Variants in BOD1L1 observed in about 807,000 individuals in gnomAD.
The protein encoded by BOD1L1 is biorientation of chromosomes in cell division 1 like 1, also known as biorientation of chromosomes in cell division protein 1-like 1.
In BOD1L1, 86 loss-of-function variants were observed where a neutral mutation model predicts 240.7. That is an observed-to-expected ratio of 0.36 (90% CI 0.30 to 0.43). BOD1L1 has a LOEUF of 0.43. BOD1L1 is among the 20% of genes least tolerant of loss of function. The pLI is 1.00. For missense variants in BOD1L1, 3,554 were observed against 3,643.5 expected (o/e 0.98, Z 0.63); for synonymous variants, 1,268 against 1,272.3 (o/e 1.00, Z 0.07).
At position 13,627,653 on chromosome 4, in the gene BOD1L1, C is replaced by T; in HGVS notation, c.-66G>A. 1 of 1,080,452 alleles carries T rather than the reference C, an allele frequency of 9.3e-7. No homozygotes were observed. Among genetic ancestry groups the T allele is most frequent in the Non-Finnish European group, 1.1e-6 (1 of 889,036 alleles). 66.9% of individuals were successfully genotyped at this position (1,080,452 alleles called of 1,614,324 possible). A position where few individuals can be genotyped will look rare whatever the true frequency, so the allele number is the denominator to read the frequency against. On this transcript the variant is annotated 5_prime_UTR_variant, in exon 1 of 26. In the 5' UTR this introduces an upstream ATG that the reference lacks. Transcript: ENST00000040738. ...ACGATCCTGGGAGGCGGCGGCTGCA[C>T]TGGTCCCGCCGCCTGAGGGAAGCCA...
rs1716458233 is a variant in BOD1L1, at chr4:13,614,810, C to A, written c.560G>T (p.Gly187Val). ...EKPDTSLITQ[G>V]VPTPGPSANV... ...AGCACTGGGCCCAGGAGTAGGAACACCTTAAAGAAAAACAGAAGTTTTAGA... is the reference window on the plus strand; with the variant it reads ...AGCACTGGGCCCAGGAGTAGGAACAACTTAAAGAAAAACAGAAGTTTTAGA... Residue 187 changes from glycine (G) to valine (V), a missense_variant and splice_region_variant, in exon 4 of 26, where the codon GGT becomes GTT. By Grantham distance (109) the Gly-to-Val change is moderately radical (BLOSUM62 -3). Around this residue, in one of 2 missense-constraint regions of BOD1L1, gnomAD observed 3,393 missense variants for 3,427.1 expected, o/e 0.99. Coordinates refer to ENST00000040738, the MANE Select transcript of BOD1L1 (RefSeq NM_148894.3). 1.9e-6 allele frequency: 3 copies of A among 1,593,404 alleles called. No homozygotes were observed. The highest frequency in any genetic ancestry group is 2.2e-5 in the East Asian group (1 of 44,726).
Position 13,600,703 on chromosome 4 carries a change from T to G in BOD1L1, c.6197A>C (p.Asn2066Thr), listed in dbSNP as rs1374240410. The change falls in exon 10 of 26, where the codon AAT (asparagine) becomes ACT (threonine). Residue 2066 changes from asparagine (N) to threonine (T), a missense_variant. Physicochemically the swap from Asn to Thr is moderately conservative, Grantham distance 65. Coordinates refer to ENST00000040738, the MANE Select transcript of BOD1L1 (RefSeq NM_148894.3). The part of the protein sequence containing the change: ...TNQNSLAGGK[N>T]QGKVLIISTS... Reference sequence around the variant, plus strand: ...GGAAATAATCAAAACTTTGCCTTGATTTTTACCCCCTGCTAAGCTATTCTG... The same window carrying G: ...GGAAATAATCAAAACTTTGCCTTGAGTTTTACCCCCTGCTAAGCTATTCTG... The G allele has an allele frequency of 4.3e-6, 7 of 1,613,858 alleles. No individual in the cohort carries two copies. Among genetic ancestry groups the G allele is most frequent in the Non-Finnish European group, 5.9e-6 (7 of 1,179,886 alleles).
intron 1 of BOD1L1, 142 bp from the exon 2 acceptor site, chr4:13,620,209 T>C: frequency 2.4e-6 from 2 of 819,212 alleles, no homozygotes; most frequent in Non-Finnish European, 1.8e-6. Flanking sequence ...CTCATTCAAA[T>C]ACTACTTATT....
Position 13,600,175 on chromosome 4 carries a change from C to T in BOD1L1, c.6725G>A (p.Arg2242Gln), listed in dbSNP as rs149610602. ...TTTTTCTTCCATGACTGTGCCAGCT[C>T]GCTCATTTTCACTTTCAACAACTAC... Reference protein sequence around the residue: ...SGVVVESENERAGTVMEEKDG... With the variant: ...SGVVVESENEQAGTVMEEKDG... Residue 2242 changes from arginine (R) to glutamine (Q), a missense_variant, in exon 10 of 26, where the codon CGA (arginine) becomes CAA (glutamine). Around this residue, in one of 2 missense-constraint regions of BOD1L1, gnomAD observed 3,393 missense variants for 3,427.1 expected, o/e 0.99. Coordinates refer to ENST00000040738, the MANE Select transcript of BOD1L1 (RefSeq NM_148894.3). 321 of 1,613,970 alleles carry T rather than the reference C, an allele frequency of 2.0e-4. No homozygotes were observed. The African/African-American group carries it at 3.9e-3, about 20-fold the overall frequency.
chr4:13,596,521 G>A (rs937640965), intron 11 of BOD1L1, among the ~76,000 whole-genome samples: 4 of 151,700 alleles, frequency 2.6e-5, no homozygotes, highest in African/African-American at 7.3e-5. Flanking sequence ...CTTGGATGGT[G>A]CCTTCAGATC....
At position 13,619,523 on chromosome 4, in the gene BOD1L1, C is replaced by T. The variant is rs546757382; in HGVS notation, c.368+420G>A. ...ACGGGGGCACTGTATTAAAAGAAGACGTGGCCTCAAATCAAGAGAGAATAT... is the reference window on the plus strand; with the variant it reads ...ACGGGGGCACTGTATTAAAAGAAGATGTGGCCTCAAATCAAGAGAGAATAT... On this transcript the variant is annotated intron_variant, in intron 2 of 25. Transcript: ENST00000040738. Among the ~76,000 whole-genome samples the T allele has an allele frequency of 1.9e-4, 29 of 152,080 alleles. No homozygotes were observed. The South Asian group carries it at 4.1e-3, about 22-fold the overall frequency.
intron 25 of BOD1L1, among the ~76,000 whole-genome samples, chr4:13,570,472 C>A (rs1712126133): frequency 6.6e-6 from 1 of 152,170 alleles, no homozygotes; most frequent in South Asian, 2.1e-4. Flanking sequence ...GCGGGTCCCA[C>A]CAATATACAG....
intron 22 of BOD1L1, among the ~76,000 whole-genome samples, chr4:13,579,067 G>A (rs10027264): frequency 4.6e-5 from 7 of 152,038 alleles, no homozygotes; most frequent in Non-Finnish European, 8.8e-5. Flanking sequence ...TTTTAGTGAC[G>A]GTAGTAGTTG....
intron 25 of BOD1L1, among the ~76,000 whole-genome samples, chr4:13,576,023 C>T (rs1712699462): frequency 2.6e-5 from 4 of 151,556 alleles, no homozygotes; most frequent in African/African-American, 9.7e-5. Context: ...CTGCCTCAGC[C>T]TCCCGAGTAG....
At chr4:13,572,899 G>A (rs889638714) in intron 25 of BOD1L1, 5 of 1,257,552 alleles carry the variant, frequency 4.0e-6, no homozygotes, top group Non-Finnish European at 5.2e-6. Context: ...CCAGTCCCTG[G>A]AACTCTGTAG....
In BOD1L1 at chr4:13,581,224, AAAC is replaced by A. The variant is rs1251864718; in HGVS notation, c.8593-20_8593-18del. On this transcript the variant is annotated intron_variant, in intron 19 of 25. Transcript: ENST00000040738. ...CTGATCTTCCTAAGGGGGAAATAAA[AAAC>A]AACAACAGCAATAAGAAAAAAAATT... 7 of 1,508,806 alleles carry A rather than the reference AAAC, an allele frequency of 4.6e-6. No homozygotes were observed. The Admixed American group carries it at 6.9e-5, about 15-fold the overall frequency. The allele number at this position is 1,508,806 out of a possible 1,614,324, so 93.5% of individuals were successfully genotyped here.
Position 13,597,121 on chromosome 4 carries a change from CTT to C in BOD1L1, c.8000_8001del (p.Lys2667SerfsTer18), listed in dbSNP as rs770010843. On this transcript the variant is annotated frameshift_variant, in exon 11 of 26. Coordinates refer to ENST00000040738, the MANE Select transcript of BOD1L1 (RefSeq NM_148894.3). LOFTEE classifies it high-confidence loss of function. The part of the protein sequence containing the change: ...PLNVLGGLKL[K>X]ANLKMEAYVP... ...AGCCATACCTCCATTTTCAAGTTGG[CTT>C]TCAGTTTCAATCCTCCCAAAACATT... 6.3e-7 allele frequency: 1 copy of C among 1,593,310 alleles called. No individual in the cohort carries two copies. The highest frequency in any genetic ancestry group is 8.6e-7 in the Non-Finnish European group (1 of 1,168,612).
chr4:13,622,792 A>C (rs182519264), intron 1 of BOD1L1, among the ~76,000 whole-genome samples: 3 of 152,366 alleles, frequency 2.0e-5, no homozygotes, highest in African/African-American at 7.2e-5. Context: ...AGAAAGGGGA[A>C]GCTATTACAC....
intron 2 of BOD1L1, among the ~76,000 whole-genome samples, chr4:13,616,996 C>T (rs1716658186): frequency 6.6e-6 from 1 of 152,136 alleles, no homozygotes; most frequent in African/African-American, 2.4e-5. Context: ...CCTGTAATCC[C>T]AGCACTCTGG....
In BOD1L1 at chr4:13,619,305, T is replaced by TAAAA. The variant is rs10650324; in HGVS notation, c.368+634_368+637dup. Among the ~76,000 whole-genome samples, 12 of 130,756 alleles carry TAAAA rather than the reference T, an allele frequency of 9.2e-5. 1 individual carries two copies. Among genetic ancestry groups the TAAAA allele is most frequent in the East Asian group, 4.5e-4 (2 of 4,480 alleles). 85.8% of individuals were successfully genotyped at this position (130,756 alleles called of 152,430 possible). ...GCCTGGGGAACAGAATGAGACTCTT[T>TAAAA]AAAAAAAAAAAAAAAAAAAGTAGAA... On this transcript the variant is annotated intron_variant, in intron 2 of 25. Coordinates refer to ENST00000040738, the MANE Select transcript of BOD1L1 (RefSeq NM_148894.3).
intron 1 of BOD1L1, 76 bp from the exon 2 acceptor site, chr4:13,620,143 C>G: frequency 7.1e-7 from 1 of 1,405,158 alleles, no homozygotes. Context: ...AGTATTTTTA[C>G]CATGGGACAA....
intron 25 of BOD1L1, among the ~76,000 whole-genome samples, chr4:13,570,916 C>CA (rs1712155973): frequency 6.6e-6 from 1 of 152,080 alleles, no homozygotes. Context: ...AGGTCTTTAC[C>CA]ACAGCATTTA....
chr4:13,580,712 G>T (rs1560181262), intron 21 of BOD1L1, among the ~76,000 whole-genome samples: 1 of 152,100 alleles, frequency 6.6e-6, no homozygotes, highest in Non-Finnish European at 1.5e-5. Flanking sequence ...CTATAAAGAA[G>T]CCACTATCTC....
Position 13,600,909 on chromosome 4 carries a change from G to A in BOD1L1, c.5991C>T (p.Thr1997=), listed in dbSNP as rs777222267. 2 of 1,613,900 alleles carry A rather than the reference G, an allele frequency of 1.2e-6. No homozygotes were observed. Among genetic ancestry groups the A allele is most frequent in the Non-Finnish European group, 1.7e-6 (2 of 1,179,876 alleles). Residue 1997 remains threonine (T), a synonymous_variant, in exon 10 of 26, where the codon ACC becomes ACT. Coordinates refer to ENST00000040738, the MANE Select transcript of BOD1L1 (RefSeq NM_148894.3). Reference sequence around the variant, plus strand: ...CCCCGACCAGGCCAGTGGAAATAGTGGTATCTTCAACTTTTTCGAGCTGAC... The same window carrying A: ...CCCCGACCAGGCCAGTGGAAATAGTAGTATCTTCAACTTTTTCGAGCTGAC... ...SDSQLEKVED[T]TISTGLVGGS...
Sources: gnomAD v4.1 joint callset for allele counts (sites outside exome capture counted in the v4.1 genomes callset) on GRCh38, gnomAD v4.1.1 for gene constraint, gnomAD v4.1.1 regional missense constraint, MANE v1.5 for transcripts, NCBI Gene and HGNC (gene_info 2026-07-23, HGNC 2026-07-21) for gene names.